CTNNA2: variants seen among roughly 807,000 people sequenced by gnomAD.
CTNNA2 encodes catenin alpha-2.
CTNNA2 carries 42 observed loss-of-function variants against 101.0 expected under a neutral mutation model. The observed-to-expected ratio is 0.42, with a 90% CI of 0.32 to 0.54. The LOEUF is 0.54. CTNNA2 is among the 20% of genes least tolerant of loss of function. CTNNA2 has a pLI of 0.14. For synonymous variants in CTNNA2, 450 were observed against 456.4 expected, an observed-to-expected ratio of 0.99 and a Z score of 0.18; for missense variants, 871 against 1,223.1, an observed-to-expected ratio of 0.71 and a Z score of 4.29.
intron 7 of CTNNA2, among the ~76,000 whole-genome samples, chr2:79,919,421 T>C (rs780779926): frequency 6.6e-6 from 1 of 152,208 alleles, no homozygotes; most frequent in African/African-American, 2.4e-5. Flanking sequence ...AACTCCTTAC[T>C]GAGCCCTTGA....
intron 3 of CTNNA2, among the ~76,000 whole-genome samples, chr2:79,804,743 G>A (rs548719151): frequency 2.0e-5 from 3 of 152,080 alleles, no homozygotes; most frequent in African/African-American, 7.2e-5. Context: ...TTAGACCATG[G>A]ATTAGAGATT....
chr2:79,781,864 G>A (rs1674453591), intron 3 of CTNNA2, among the ~76,000 whole-genome samples: 2 of 152,146 alleles, frequency 1.3e-5, no homozygotes. Context: ...ATGAGATCCA[G>A]AGAAGCTGAA....
At chr2:79,722,223 A>G (rs1029714235) in intron 2 of CTNNA2, among the ~76,000 whole-genome samples, 2 of 152,206 alleles carry the variant, frequency 1.3e-5, no homozygotes, top group Non-Finnish European at 2.9e-5. Flanking sequence ...CTCATCATCA[A>G]TAAGCAGGCA....
intron 6 of CTNNA2, among the ~76,000 whole-genome samples, chr2:79,877,294 C>T (rs1683099711): frequency 6.6e-6 from 1 of 151,984 alleles, no homozygotes; most frequent in African/African-American, 2.4e-5. Context: ...TAACAATTGT[C>T]ATTTAACAAA....
At chr2:79,922,834 G>A (rs990192323) in intron 7 of CTNNA2, among the ~76,000 whole-genome samples, 2 of 151,972 alleles carry the variant, frequency 1.3e-5, no homozygotes, top group East Asian at 1.9e-4. Context: ...AGGTCTTCTC[G>A]TCTCTTTATT....
intron 9 of CTNNA2, among the ~76,000 whole-genome samples, chr2:80,493,944 C>T (rs1687249206): frequency 6.6e-6 from 1 of 152,118 alleles, no homozygotes; most frequent in African/African-American, 2.4e-5. Context: ...TAATTTTCAC[C>T]TTTGTAAACA....
At chr2:79,326,102 T>A (rs772609322) in intron 3 of CTNNA2, among the ~76,000 whole-genome samples, 1 of 152,172 alleles carries the variant, frequency 6.6e-6, no homozygotes, top group Non-Finnish European at 1.5e-5. Context: ...TTTCATTAGT[T>A]CATCACCCAT....
intron 3 of CTNNA2, among the ~76,000 whole-genome samples, chr2:79,833,440 T>C (rs1679078665): frequency 6.6e-6 from 1 of 152,202 alleles, no homozygotes; most frequent in Non-Finnish European, 1.5e-5. Context: ...AGCATCCTTC[T>C]CTCTTTTCCT....
chr2:80,629,028 T>C (rs571918927), intron 18 of CTNNA2, among the ~76,000 whole-genome samples: 14 of 152,268 alleles, frequency 9.2e-5, no homozygotes, highest in East Asian at 1.9e-4. Context: ...ATCTACTTCA[T>C]TGAGTTATTG....
intron 4 of CTNNA2, among the ~76,000 whole-genome samples, chr2:79,403,849 G>A (rs1678313995): frequency 6.6e-6 from 1 of 151,916 alleles, no homozygotes; most frequent in Admixed American, 6.6e-5. Flanking sequence ...AGTTGTTGTG[G>A]AAAGCATCAG....
intron 1 of CTNNA2, among the ~76,000 whole-genome samples, chr2:79,556,023 A>C (rs1332813851): frequency 6.6e-6 from 1 of 152,078 alleles, no homozygotes. Context: ...TCGAGTTTCA[A>C]AGAGAATTAG....
rs143549843 is a variant in CTNNA2, at chr2:79,662,600, A to G, written c.102+10942A>G. Among the ~76,000 whole-genome samples, 530 of 152,282 alleles carry G rather than the reference A, an allele frequency of 3.5e-3. 12 individuals carry two copies. The East Asian group carries it at 0.047, about 14-fold the overall frequency. On this transcript the variant is annotated intron_variant, in intron 2 of 18. Coordinates refer to ENST00000402739, the MANE Select transcript of CTNNA2 (RefSeq NM_001282597.3). ...AGCAGGAAAATGCCTACGAAGTGACAGAATTGAATTTACGCAGGAAGCTCT... is the reference window on the plus strand; with the variant it reads ...AGCAGGAAAATGCCTACGAAGTGACGGAATTGAATTTACGCAGGAAGCTCT...
intron 1 of CTNNA2, among the ~76,000 whole-genome samples, chr2:79,641,371 CA>C (rs1187204137): frequency 6.6e-6 from 1 of 152,056 alleles, no homozygotes; most frequent in Non-Finnish European, 1.5e-5. Flanking sequence ...GGCAGAAGAA[CA>C]AAGAATAAAT....
At chr2:79,974,690 G>T (rs1423873736) in intron 7 of CTNNA2, among the ~76,000 whole-genome samples, 1 of 152,134 alleles carries the variant, frequency 6.6e-6, no homozygotes. Flanking sequence ...CTAGGCAAAA[G>T]CTGAATGAAA....
chr2:79,889,943 AT>A (rs1179998039), intron 6 of CTNNA2, among the ~76,000 whole-genome samples: 1 of 152,190 alleles, frequency 6.6e-6, no homozygotes, highest in Non-Finnish European at 1.5e-5. Context: ...TGGCCATTCT[AT>A]GTGACAGGAG....
At position 80,262,477 on chromosome 2, in the gene CTNNA2, C is replaced by T. The variant is rs560547701; in HGVS notation, c.1057-130734C>T. ...GCTTATTTCCTAATGGGAATTCTTT[C>T]GAAATGTAACTGCTGAGTAGAAGTG... On this transcript the variant is annotated intron_variant, in intron 7 of 18. Coordinates refer to ENST00000402739, the MANE Select transcript of CTNNA2 (RefSeq NM_001282597.3). Among the ~76,000 whole-genome samples the T allele has an allele frequency of 7.2e-5, 11 of 152,236 alleles. No individual in the cohort carries two copies. The South Asian group carries it at 1.0e-3, about 14-fold the overall frequency.
At chr2:80,644,549 A>C (rs1037708061) in intron 18 of CTNNA2, among the ~76,000 whole-genome samples, 1 of 152,316 alleles carries the variant, frequency 6.6e-6, no homozygotes. Context: ...CATCTTGGAA[A>C]GGCATAAAGA....
At chr2:79,576,466 A>G (rs796849323) in intron 1 of CTNNA2, among the ~76,000 whole-genome samples, 73 of 152,276 alleles carry the variant, frequency 4.8e-4, no homozygotes, top group African/African-American at 1.7e-3. Flanking sequence ...CATGTTGCTT[A>G]AAATATTATT....
chr2:79,746,359 C>T (rs1671647176), intron 3 of CTNNA2, among the ~76,000 whole-genome samples: 1 of 152,088 alleles, frequency 6.6e-6, no homozygotes, highest in South Asian at 2.1e-4. Context: ...TGTAGGTTGC[C>T]TTTTCACTCT....
Sources: allele counts gnomAD v4.1 joint callset (sites outside exome capture counted in the v4.1 genomes callset), GRCh38; gene constraint gnomAD v4.1.1; transcripts MANE v1.5; gene names NCBI Gene and HGNC (gene_info 2026-07-23, HGNC 2026-07-21).